Variants in SLC15A5 observed in about 807,000 individuals in gnomAD.
The protein encoded by SLC15A5 is Peptide/histidine transporter ENSP00000340402.
A neutral mutation model predicts 56.1 loss-of-function variants in SLC15A5; 58 were observed. The ratio of observed to expected loss-of-function variants is 1.03; its 90% CI spans 0.84 to 1.29. SLC15A5 has a LOEUF of 1.29. Ranked by LOEUF, SLC15A5 falls within the 50% of genes most tolerant of loss-of-function variation. SLC15A5 has a pLI of 0.00. For synonymous variants in SLC15A5, 264 were observed against 250.5 expected (o/e 1.05, Z -0.51); for missense variants, 681 against 672.1 (o/e 1.01, Z -0.15).
chr12:16,260,462 T>C (rs1274361034), intron 2 of SLC15A5, among the ~76,000 whole-genome samples: 1 of 152,094 alleles, frequency 6.6e-6, no homozygotes, highest in Non-Finnish European at 1.5e-5. Context: ...TCTTCTCATA[T>C]TGGCTAATAC....
chr12:16,274,104 T>C (rs1002568497), intron 1 of SLC15A5, among the ~76,000 whole-genome samples: 4 of 151,958 alleles, frequency 2.6e-5, no homozygotes, highest in African/African-American at 9.7e-5. Context: ...ATTCTAATCA[T>C]AATGTGTTTT....
chr12:16,231,347 GAA>G (rs990380782), intron 5 of SLC15A5, among the ~76,000 whole-genome samples: 2 of 152,010 alleles, frequency 1.3e-5, no homozygotes, highest in African/African-American at 4.8e-5. Context: ...AAAAGTCAGA[GAA>G]AGAGAAAACA....
chr12:16,221,779 G>A (rs550380799), intron 6 of SLC15A5, among the ~76,000 whole-genome samples: 2 of 152,256 alleles, frequency 1.3e-5, no homozygotes, highest in East Asian at 3.9e-4. Flanking sequence ...AGATGATGGT[G>A]TTGTACACCA....
At chr12:16,262,232 A>G (rs1049372103) in intron 2 of SLC15A5, among the ~76,000 whole-genome samples, 2 of 152,238 alleles carry the variant, frequency 1.3e-5, no homozygotes, top group African/African-American at 4.8e-5. Context: ...TTCTTTCTGC[A>G]TCTTTGCAGT....
intron 2 of SLC15A5, among the ~76,000 whole-genome samples, chr12:16,259,902 G>GGGC (rs1415392918): frequency 2.0e-5 from 3 of 149,992 alleles, no homozygotes; most frequent in Admixed American, 1.3e-4. Flanking sequence ...CCACCCGGGC[G>GGGC]GGGGGTAAGT....
intron 7 of SLC15A5, among the ~76,000 whole-genome samples, chr12:16,202,196 A>G (rs1863965406): frequency 6.6e-6 from 1 of 152,208 alleles, no homozygotes; most frequent in Non-Finnish European, 1.5e-5. Context: ...TGCAAATTAT[A>G]TATCAAGTAA....
At chr12:16,247,162 A>T (rs1258911493) in intron 3 of SLC15A5, among the ~76,000 whole-genome samples, 1 of 152,180 alleles carries the variant, frequency 6.6e-6, no homozygotes, top group Non-Finnish European at 1.5e-5. Context: ...ACCATGCTTT[A>T]TGTGAAGCAC....
chr12:16,232,101 A>G (rs998698519), intron 5 of SLC15A5, among the ~76,000 whole-genome samples: 8 of 152,232 alleles, frequency 5.3e-5, no homozygotes, highest in African/African-American at 1.9e-4. Context: ...AAAGCTTCCC[A>G]TGTGAAAAAC....
At position 16,224,560 on chromosome 12, in the gene SLC15A5, C is replaced by G; in HGVS notation, c.1205G>C (p.Gly402Ala). ...ATGTTTTCGGTGTATTTCAAAGAAG[C>G]CAGCTATCATCACAGACAATGCAGC... The part of the protein sequence containing the change: ...LFAALSVMIA[G>A]FFEIHRKHFP... The change falls in exon 6 of 9, where the codon GGC (glycine) becomes GCC (alanine). Residue 402 changes from glycine to alanine, a missense_variant. Transcript: ENST00000344941. The G allele has an allele frequency of 1.3e-6, 2 of 1,536,868 alleles. No homozygotes were observed. The highest frequency in any genetic ancestry group is 1.7e-6 in the Non-Finnish European group (2 of 1,146,756).
At chr12:16,272,441 C>T in intron 2 of SLC15A5, 120 bp downstream of exon 2, 1 of 902,490 alleles carries the variant, frequency 1.1e-6, no homozygotes, top group Non-Finnish European at 1.7e-6. Flanking sequence ...ACAGATTCAT[C>T]ACATCATCAC....
chr12:16,241,488 GA>G (rs1864414659), intron 4 of SLC15A5, among the ~76,000 whole-genome samples: 1 of 152,164 alleles, frequency 6.6e-6, no homozygotes, highest in South Asian at 2.1e-4. Flanking sequence ...CATTTTCACT[GA>G]GATTCTTTCT....
At position 16,216,911 on chromosome 12, in the gene SLC15A5, C is replaced by G; in HGVS notation, c.1465G>C (p.Val489Leu). 1 of 1,536,468 alleles carries G rather than the reference C, an allele frequency of 6.5e-7. No homozygotes were observed. Among genetic ancestry groups the G allele is most frequent in the Non-Finnish European group, 8.7e-7 (1 of 1,146,478 alleles). Residue 489 changes from valine to leucine, a missense_variant, in exon 7 of 9, where the codon GTA becomes CTA. Transcript: ENST00000344941. ...TTTTTACCATCTGAGATGAGATATA[C>G]CAACTTCACCAGCAGTGCCCCTGTG... ...CFTGALLVKL[V>L]YLISDGNWFP...
Position 16,271,008 on chromosome 12 carries a change from T to C in SLC15A5, c.584+1553A>G, listed in dbSNP as rs2136823341. 6.6e-6 allele frequency among the ~76,000 whole-genome samples: 1 copy of C among 152,322 alleles called. No individual in the cohort carries two copies. Among genetic ancestry groups the C allele is most frequent in the Non-Finnish European group, 1.5e-5 (1 of 68,022 alleles). Reference sequence around the variant, plus strand: ...CACATTTCTAGATGCTTTAAATTTTTAAAATAGTGAGCTGTTTAGTGAAAT... The same window carrying C: ...CACATTTCTAGATGCTTTAAATTTTCAAAATAGTGAGCTGTTTAGTGAAAT... On this transcript the variant is annotated intron_variant, in intron 2 of 8. Coordinates refer to ENST00000344941, the MANE Select transcript of SLC15A5 (RefSeq NM_001170798.1). The surrounding 1 kb of genome is among the most constrained non-coding windows in gnomAD (Gnocchi z 8.0).
Position 16,271,123 on chromosome 12 carries a change from C to A in SLC15A5, c.584+1438G>T, listed in dbSNP as rs1864750280. Among the ~76,000 whole-genome samples the A allele has an allele frequency of 6.6e-6, 1 of 152,160 alleles. No individual in the cohort carries two copies. ...CAGAAATTCATTTTCACCCCATTCC[C>A]CATCCCCCTTCCTGAAGCCCTAAAG... On this transcript the variant is annotated intron_variant, in intron 2 of 8. Coordinates refer to ENST00000344941, the MANE Select transcript of SLC15A5 (RefSeq NM_001170798.1). This position sits in a 1 kb window ranked among gnomAD's most constrained non-coding sequence, Gnocchi z 8.0.
chr12:16,235,304 A>G lies in SLC15A5; in HGVS notation c.1162+4377T>C, dbSNP rs917387680. 9.4e-5 allele frequency among the ~76,000 whole-genome samples: 14 copies of G among 148,978 alleles called. No individual in the cohort carries two copies. The highest frequency in any genetic ancestry group is 1.3e-4 in the Non-Finnish European group (9 of 67,376). On this transcript the variant is annotated intron_variant, in intron 5 of 8. Transcript: ENST00000344941. The surrounding 1 kb of genome is among the most constrained non-coding windows in gnomAD (Gnocchi z 4.1). ...TATGTATATATGTATATGTATATGTATATATATGTATATATGTATATGTAT... is the reference window on the plus strand; with the variant it reads ...TATGTATATATGTATATGTATATGTGTATATATGTATATATGTATATGTAT...
intron 1 of SLC15A5, among the ~76,000 whole-genome samples, chr12:16,276,107 T>C (rs556669955): frequency 4.6e-4 from 70 of 152,152 alleles, no homozygotes; most frequent in African/African-American, 1.5e-3. Flanking sequence ...CCCAGAATAA[T>C]GTCTGGTACA....
Position 16,269,370 on chromosome 12 carries a change from T to A in SLC15A5, c.584+3191A>T, listed in dbSNP as rs1412311565. Reference sequence around the variant, plus strand: ...ACTGGGCAGCTTTAAAAAATCCTGGTCCCTGGATCCTACCTCTAACCAATG... The same window carrying A: ...ACTGGGCAGCTTTAAAAAATCCTGGACCCTGGATCCTACCTCTAACCAATG... On this transcript the variant is annotated intron_variant, in intron 2 of 8. Coordinates refer to ENST00000344941, the MANE Select transcript of SLC15A5 (RefSeq NM_001170798.1). This position sits in a 1 kb window ranked among gnomAD's most constrained non-coding sequence, Gnocchi z 4.7. Among the ~76,000 whole-genome samples the A allele has an allele frequency of 6.6e-6, 1 of 152,164 alleles. No homozygotes were observed. The highest frequency in any genetic ancestry group is 1.9e-4 in the East Asian group (1 of 5,184).
chr12:16,236,170 C>T (rs1864350212), intron 5 of SLC15A5, among the ~76,000 whole-genome samples: 1 of 151,998 alleles, frequency 6.6e-6, no homozygotes, highest in Non-Finnish European at 1.5e-5. Flanking sequence ...CTACTGAATG[C>T]TCCATACTGC....
chr12:16,199,737 A>G (rs1863933873), intron 7 of SLC15A5, among the ~76,000 whole-genome samples: 1 of 152,172 alleles, frequency 6.6e-6, no homozygotes, highest in Admixed American at 6.6e-5. Flanking sequence ...GTATGTATCA[A>G]TAAAAAATTT....
Sources: gnomAD v4.1 joint callset for allele counts (sites outside exome capture counted in the v4.1 genomes callset) on GRCh38, gnomAD v4.1.1 for gene constraint, Gnocchi (gnomAD v3.1) non-coding constraint, MANE v1.5 for transcripts, NCBI Gene and HGNC (gene_info 2026-07-23, HGNC 2026-07-21) for gene names.